The following SPDYE21 variants were observed in gnomAD, a reference collection of about 807,000 sequenced individuals.
SPDYE21 encodes the protein speedy protein E21.
In SPDYE21, 14 loss-of-function variants were observed where a neutral mutation model predicts 36.2. The observed-to-expected ratio is 0.39, with a 90% CI of 0.26 to 0.61. The LOEUF is 0.61. SPDYE21 is among the 20% of genes least tolerant of loss of function. The pLI is 0.55. For synonymous variants in SPDYE21, 58 were observed against 155.1 expected (o/e 0.37, Z 4.65); for missense variants, 233 against 424.6 (o/e 0.55, Z 3.97).
chr7:67,278,188 CACATGATAATCTCACTCTTGT>C (rs1229040975), intron 1 of SPDYE21, among the ~76,000 whole-genome samples, 83 bp from the exon 2 acceptor site: 7 of 29,486 alleles, frequency 2.4e-4, no homozygotes, highest in South Asian at 1.1e-3. Context: ...CTCACTCTTG[CACATGATAATCTCACTCTTGT>C]ACATGATAAT....
rs1165534128 is a variant in SPDYE21, at chr7:67,288,773, G to C, written c.*1301G>C. Among the ~76,000 whole-genome samples, 1 of 145,486 alleles carries C rather than the reference G, an allele frequency of 6.9e-6. No homozygotes were observed. The highest frequency in any genetic ancestry group is 2.5e-5 in the African/African-American group (1 of 39,804). ...ATATTACATTTATAGCTATGTAGTA[G>C]TTCCCCTAAATTCTTGTAAAAATAA... On this transcript the variant is annotated 3_prime_UTR_variant, in exon 9 of 9. Transcript: ENST00000424157.
At chr7:67,286,779 C>T (rs1437727240) in intron 8 of SPDYE21, among the ~76,000 whole-genome samples, 115 bp downstream of exon 8, 1 of 152,054 alleles carries the variant, frequency 6.6e-6, no homozygotes, top group African/African-American at 2.4e-5. Flanking sequence ...GATCCCCTCT[C>T]CACAAAAATA....
At chr7:67,280,475 G>A (rs1327036166) in intron 3 of SPDYE21, among the ~76,000 whole-genome samples, 1 of 151,832 alleles carries the variant, frequency 6.6e-6, no homozygotes, top group African/African-American at 2.4e-5. Flanking sequence ...GCTGAGATGG[G>A]TGGATCACTT....
chr7:67,285,315 A>G (rs1802709512), intron 6 of SPDYE21, among the ~76,000 whole-genome samples: 1 of 152,130 alleles, frequency 6.6e-6, no homozygotes, highest in Non-Finnish European at 1.5e-5. Flanking sequence ...TCCTGGGCTC[A>G]AGCGATCCTC....
intron 3 of SPDYE21, among the ~76,000 whole-genome samples, 188 bp downstream of exon 3, chr7:67,280,224 A>C (rs1802608311): frequency 6.6e-6 from 1 of 152,140 alleles, no homozygotes; most frequent in South Asian, 2.1e-4. Flanking sequence ...AGACTTGATA[A>C]AGGTTGGCGC....
intron 5 of SPDYE21, among the ~76,000 whole-genome samples, chr7:67,283,061 C>A (rs1802670316): frequency 6.6e-6 from 1 of 150,442 alleles, no homozygotes; most frequent in Admixed American, 6.7e-5. Context: ...CCGCCTTGGC[C>A]TCCCAAAGTG....
Position 67,286,162 on chromosome 7 carries a change from G to A in SPDYE21, c.874G>A (p.Gly292Ser). Reference protein sequence around the residue: ...PLLRKRWFQLGRSMNPRARKN... With the variant: ...PLLRKRWFQLSRSMNPRARKN... Reference sequence around the variant, plus strand: ...GCTCCGTAAGCGTTGGTTCCAGTTAGGCCGTTCCATGAACCCGAGGGCCAG... The same window carrying A: ...GCTCCGTAAGCGTTGGTTCCAGTTAAGCCGTTCCATGAACCCGAGGGCCAG... Residue 292 changes from glycine (G) to serine (S), a missense_variant, in exon 7 of 9, where the codon GGC becomes AGC. Physicochemically the swap from Gly to Ser is moderately conservative, Grantham distance 56. This residue lies in a region of SPDYE21 where 139 missense variants were observed against 175.8 expected (regional missense o/e 0.79). Coordinates refer to ENST00000424157, the MANE Select transcript of SPDYE21 (RefSeq NM_001382715.2). 2 of 1,610,792 alleles carry A rather than the reference G, an allele frequency of 1.2e-6. 1 individual carries two copies. The highest frequency in any genetic ancestry group is 1.7e-6 in the Non-Finnish European group (2 of 1,179,366).
Position 67,285,953 on chromosome 7 carries a change from C to T in SPDYE21, c.756-91C>T, listed in dbSNP as rs549417929. 8.0e-5 allele frequency: 129 copies of T among 1,604,110 alleles called. No individual in the cohort carries two copies. In the Middle Eastern group the frequency reaches 9.1e-4, roughly 11 times the overall value. ...GTGGGTGCCAGTCCTGAGCTAGGGA[C>T]GGTCCCTTACCTTCCTCTCTGGGAA... On this transcript the variant is annotated intron_variant, in intron 6 of 8. Coordinates refer to ENST00000424157, the MANE Select transcript of SPDYE21 (RefSeq NM_001382715.2).
Position 67,286,370 on chromosome 7 carries a change from A to C in SPDYE21, c.1082A>C (p.Lys361Thr), listed in dbSNP as rs1385541463. Residue 361 changes from lysine to threonine, a missense_variant, in exon 7 of 9, where the codon AAA becomes ACA. This residue lies in a region of SPDYE21 where 139 missense variants were observed against 175.8 expected (regional missense o/e 0.79). Transcript: ENST00000424157. The stretch of plus-strand genomic sequence containing the variant: ...CGCTCTCAGATAGTCCTGTTCCAGA[A>C]ACTTCGGTTCCAGTTCTTCTGTTCC... ...KNRSQIVLFQKLRFQFFCSMS... is the reference protein window; with the variant it reads ...KNRSQIVLFQTLRFQFFCSMS... 1 of 1,613,724 alleles carries C rather than the reference A, an allele frequency of 6.2e-7. No individual in the cohort carries two copies. Among genetic ancestry groups the C allele is most frequent in the African/African-American group, 1.3e-5 (1 of 74,910 alleles).
chr7:67,286,312 C>A lies in SPDYE21; in HGVS notation c.1024C>A (p.Arg342Ser), dbSNP rs1051668713. The stretch of plus-strand genomic sequence containing the variant: ...GGTCCGTAAGCGTCGGTTCCAGTTA[C>A]GCCGTTGCATGAACCCGAGGGCCAG... ...PLVRKRRFQL[R>S]RCMNPRARKN... The change falls in exon 7 of 9, where the codon CGC (arginine) becomes AGC (serine). Residue 342 changes from arginine to serine, a missense_variant. Physicochemically the swap from Arg to Ser is moderately radical, Grantham distance 110. Coordinates refer to ENST00000424157, the MANE Select transcript of SPDYE21 (RefSeq NM_001382715.2). The A allele has an allele frequency of 1.0e-4, 163 of 1,598,612 alleles. No individual in the cohort carries two copies. The highest frequency in any genetic ancestry group is 1.3e-4 in the Non-Finnish European group (157 of 1,169,052).
Position 67,288,171 on chromosome 7 carries a change from A to AT in SPDYE21, c.*706dup, listed in dbSNP as rs1250287734. ...ATCCTAAATATTTTATTATCTTTAA[A>AT]TTTTTTTCTGTATTATTATATGTGC... On this transcript the variant is annotated 3_prime_UTR_variant, in exon 9 of 9. Transcript: ENST00000424157. Among the ~76,000 whole-genome samples the AT allele has an allele frequency of 2.6e-5, 4 of 151,360 alleles. No individual in the cohort carries two copies. Among genetic ancestry groups the AT allele is most frequent in the Admixed American group, 6.6e-5 (1 of 15,192 alleles).
chr7:67,285,950 G>C, intron 6 of SPDYE21, 94 bp from the exon 7 acceptor site: 2 of 1,602,746 alleles, frequency 1.2e-6, no homozygotes, highest in South Asian at 1.1e-5. Flanking sequence ...CCTGAGCTAG[G>C]GACGGTCCCT....
Position 67,286,045 on chromosome 7 carries a change from T to C in SPDYE21, c.757T>C (p.Tyr253His). 2 of 1,612,982 alleles carry C rather than the reference T, an allele frequency of 1.2e-6. No individual in the cohort carries two copies. Among genetic ancestry groups the C allele is most frequent in the South Asian group, 2.2e-5 (2 of 91,020 alleles). Reference protein sequence around the residue: ...YQRIHFFLALYLANDMEEDDE... With the variant: ...YQRIHFFLALHLANDMEEDDE... ...CAGCAACCTGATTTCTATCCTCAGC[T>C]ACCTGGCCAATGACATGGAGGAGGA... Residue 253 changes from tyrosine to histidine, a missense_variant and splice_region_variant, in exon 7 of 9, where the codon TAC becomes CAC. Around this residue, in one of 4 missense-constraint regions of SPDYE21, gnomAD observed 139 missense variants for 175.8 expected, o/e 0.79. Transcript: ENST00000424157.
chr7:67,284,786 C>T (rs1347415885), intron 6 of SPDYE21, among the ~76,000 whole-genome samples: 7 of 151,972 alleles, frequency 4.6e-5, no homozygotes, highest in Non-Finnish European at 7.4e-5. Flanking sequence ...GCCTGAACAT[C>T]TTTCCAAAGC....
chr7:67,279,313 G>T (rs1256530874), intron 2 of SPDYE21, among the ~76,000 whole-genome samples: 1 of 148,564 alleles, frequency 6.7e-6, no homozygotes, highest in Non-Finnish European at 1.5e-5. Flanking sequence ...CAGAACTTTG[G>T]GAGGCCAAGG....
chr7:67,281,794 T>C (rs575406457), intron 4 of SPDYE21, among the ~76,000 whole-genome samples, 190 bp downstream of exon 4: 9 of 152,264 alleles, frequency 5.9e-5, no homozygotes, highest in Non-Finnish European at 5.9e-5. Context: ...TTGATAAAGG[T>C]CAGTGCTTGG....
intron 6 of SPDYE21, among the ~76,000 whole-genome samples, chr7:67,284,799 A>G (rs3980858): frequency 1.5e-4 from 22 of 149,420 alleles, no homozygotes; most frequent in African/African-American, 4.1e-4. Flanking sequence ...TCCAAAGCAC[A>G]ACAACCTCAC....
intron 3 of SPDYE21, among the ~76,000 whole-genome samples, chr7:67,280,606 C>T (rs1456198280): frequency 9.9e-5 from 13 of 131,638 alleles, no homozygotes; most frequent in Non-Finnish European, 1.4e-4. Flanking sequence ...ACAGGATAAT[C>T]GCTTGAACCC....
intron 3 of SPDYE21, among the ~76,000 whole-genome samples, chr7:67,280,691 CAAAAAAAAAAAAAAAAAAAAAA>C (rs1180256690): frequency 2.7e-4 from 4 of 15,036 alleles, no homozygotes; most frequent in Admixed American, 1.7e-3. Context: ...GAAGCTGTCT[CAAAAAAAAAAAAAAAAAAAAAA>C]AAAAAAAAAA....
Sources: gnomAD v4.1 joint callset for allele counts (sites outside exome capture counted in the v4.1 genomes callset) on GRCh38, gnomAD v4.1.1 for gene constraint, gnomAD v4.1.1 regional missense constraint, MANE v1.5 for transcripts, NCBI Gene and HGNC (gene_info 2026-07-23, HGNC 2026-07-21) for gene names.